The following PACS2 variants were observed in gnomAD, a reference collection of about 807,000 sequenced individuals.
PACS2 encodes PACS1-like protein.
A neutral mutation model predicts 113.0 loss-of-function variants in PACS2; 36 were observed. That is an observed-to-expected ratio of 0.32 (90% CI 0.24 to 0.42). The LOEUF is 0.42. Ranked by LOEUF, PACS2 falls within the 10% of genes least tolerant of loss-of-function variation. The probability of loss-of-function intolerance (pLI) is 1.00; values close to 1 mark genes in which losing one functional copy is unlikely to be tolerated. For missense variants in PACS2, 1,015 were observed against 1,239.5 expected (o/e 0.82, Z 2.72); for synonymous variants, 589 against 536.1 (o/e 1.10, Z -1.36).
intron 9 of PACS2, among the ~76,000 whole-genome samples, chr14:105,377,870 T>C (rs2080841513): frequency 6.6e-6 from 1 of 152,006 alleles, no homozygotes; most frequent in Non-Finnish European, 1.5e-5. Context: ...TGGGCTCGGG[T>C]GGAGGTATTG....
intron 3 of PACS2, among the ~76,000 whole-genome samples, chr14:105,353,792 C>G (rs587734880): frequency 5.3e-5 from 8 of 152,206 alleles, no homozygotes; most frequent in African/African-American, 1.9e-4. Context: ...CGGGGTTTCA[C>G]CATGTCGGCC....
chr14:105,316,345 C>T (rs1180526460), intron 1 of PACS2, among the ~76,000 whole-genome samples: 1 of 152,250 alleles, frequency 6.6e-6, no homozygotes, highest in Admixed American at 6.5e-5. Flanking sequence ...AAGCCAGGAG[C>T]ATCTCCCCAG....
intron 21 of PACS2, 49 bp from the exon 22 acceptor site, chr14:105,391,582 G>T (rs373599086): frequency 5.1e-5 from 67 of 1,321,590 alleles, no homozygotes; most frequent in Middle Eastern, 3.2e-4. Context: ...GGTGGCACCC[G>T]GGCAGAGCAG....
intron 1 of PACS2, among the ~76,000 whole-genome samples, chr14:105,303,396 A>C (rs587707762): frequency 6.6e-6 from 1 of 152,088 alleles, no homozygotes; most frequent in East Asian, 1.9e-4. Context: ...GGTGCCCACC[A>C]CCATGCCTGG....
chr14:105,381,096 C>T lies in PACS2; in HGVS notation c.1265C>T (p.Thr422Ile). The T allele has an allele frequency of 6.2e-7, 1 of 1,611,164 alleles. No homozygotes were observed. The highest frequency in any genetic ancestry group is 8.5e-7 in the Non-Finnish European group (1 of 1,178,962). The change falls in exon 12 of 25, where the codon ACC becomes ATC. Residue 422 changes from threonine (T) to isoleucine (I), a missense_variant. This residue lies in a region of PACS2 where 859 missense variants were observed against 1,056.8 expected (regional missense o/e 0.81). Coordinates refer to ENST00000447393, the MANE Select transcript of PACS2 (RefSeq NM_001100913.3). The part of the protein sequence containing the change: ...TKTESLVIPS[T>I]RSEGKQAGRR... ...ACAGAGTCCCTTGTCATCCCCTCCA[C>T]CAGGTGATGGGGGCTGCACGGCGGG...
intron 1 of PACS2, among the ~76,000 whole-genome samples, chr14:105,302,850 G>A (rs1033203109): frequency 6.6e-6 from 1 of 151,930 alleles, no homozygotes; most frequent in Admixed American, 6.6e-5. Context: ...CAAAGTGCTG[G>A]GATTACAGGC....
chr14:105,384,898 T>C lies in PACS2; in HGVS notation c.1911T>C (p.Ile637=), dbSNP rs782161467. The C allele has an allele frequency of 1.1e-5, 17 of 1,592,590 alleles. No individual in the cohort carries two copies. Among genetic ancestry groups the C allele is most frequent in the Admixed American group, 5.2e-5 (3 of 57,314 alleles). Residue 637 remains isoleucine (I), a synonymous_variant, in exon 18 of 25, where the codon ATT becomes ATC. Transcript: ENST00000447393. ...AQSAVQDTPD[I]VSRITQYIAG... The stretch of plus-strand genomic sequence containing the variant: ...CTGCAGTACAGGACACGCCAGACAT[T>C]GTGTCACGCATCACGCAGTACATCG...
intron 1 of PACS2, among the ~76,000 whole-genome samples, chr14:105,304,981 C>G (rs12100451): frequency 0.083 from 12,616 of 152,270 alleles, 892 homozygotes; most frequent in African/African-American, 0.19. Flanking sequence ...CAAATCATAT[C>G]ATGTGTGTTC....
At chr14:105,369,628 C>T (rs1555408846) in intron 7 of PACS2, among the ~76,000 whole-genome samples, 1 of 152,216 alleles carries the variant, frequency 6.6e-6, no homozygotes, top group Non-Finnish European at 1.5e-5. Flanking sequence ...ACACGCCTCC[C>T]CGGGTCCCCC....
chr14:105,313,291 A>G (rs1334433010), upstream of PACS2, among the ~76,000 whole-genome samples: 3 of 152,188 alleles, frequency 2.0e-5, no homozygotes, highest in Non-Finnish European at 4.4e-5. Flanking sequence ...CATCACAGAC[A>G]GCCTGTCCTC....
chr14:105,353,893 A>G (rs115356372), intron 3 of PACS2, among the ~76,000 whole-genome samples: 2,136 of 150,720 alleles, frequency 0.014, 55 homozygotes, highest in African/African-American at 0.049. Context: ...TGCCCAGCCT[A>G]GTTTTTCATT....
intron 9 of PACS2, among the ~76,000 whole-genome samples, chr14:105,378,796 C>T (rs1211447795): frequency 6.6e-6 from 1 of 152,234 alleles, no homozygotes; most frequent in African/African-American, 2.4e-5. Flanking sequence ...CATATTATAT[C>T]AACCAGGGAT....
chr14:105,341,899 G>A (rs1421038364), intron 1 of PACS2, among the ~76,000 whole-genome samples: 1 of 152,186 alleles, frequency 6.6e-6, no homozygotes, highest in Non-Finnish European at 1.5e-5. Context: ...TTCTAAGTGT[G>A]CGGAGAGGAG....
chr14:105,349,605 C>T (rs1434249229), intron 2 of PACS2, among the ~76,000 whole-genome samples: 3 of 152,264 alleles, frequency 2.0e-5, no homozygotes, highest in Non-Finnish European at 2.9e-5. Context: ...GTCTTGAGTG[C>T]GAGGAGGCCT....
rs2081512443 is a variant in PACS2 at position 105,395,780 on chromosome 14, G to C, written c.*1108G>C. 6.6e-6 allele frequency: 1 copy of C among 152,314 alleles called. No individual in the cohort carries two copies. The highest frequency in any genetic ancestry group is 1.5e-5 in the Non-Finnish European group (1 of 68,116). The allele number at this position is 152,314 out of a possible 1,614,324, so 9.4% of individuals were successfully genotyped here. Reference sequence around the variant, plus strand: ...GAGCGTGTTGGGTCCCATGTTGTGTGTGGGTTCCATGCCCTCCACACAGCA... The same window carrying C: ...GAGCGTGTTGGGTCCCATGTTGTGTCTGGGTTCCATGCCCTCCACACAGCA... On this transcript the variant is annotated 3_prime_UTR_variant, in exon 25 of 25. Coordinates refer to ENST00000447393, the MANE Select transcript of PACS2 (RefSeq NM_001100913.3).
At position 105,384,477 on chromosome 14, in the gene PACS2, G is replaced by A. The variant is rs372946160; in HGVS notation, c.1891+14G>A. 7.7e-5 allele frequency: 119 copies of A among 1,553,022 alleles called. No individual in the cohort carries two copies. The African/African-American group carries it at 1.2e-3, about 16-fold the overall frequency. On this transcript the variant is annotated intron_variant, in intron 17 of 24. Transcript: ENST00000447393. ...CCCAGAGTGCGGGTGAGGCCCGGGC[G>A]CGTCCACAGCCCACGCCACGGCGGG... is the stretch of plus-strand genomic sequence containing the variant.
rs767715777 is a variant in PACS2 at position 105,324,813 on chromosome 14, G to A, written c.119+9776G>A. ...TCTCAGGCCCGGGACATTCATGGCC[G>A]TAGCCCCAGGTCCTCTGCATGGTCA... is the stretch of plus-strand genomic sequence containing the variant. On this transcript the variant is annotated intron_variant, in intron 1 of 24. Transcript: ENST00000447393. The surrounding 1 kb of genome is among the most constrained non-coding windows in gnomAD (Gnocchi z 4.7). Among the ~76,000 whole-genome samples the A allele has an allele frequency of 7.9e-5, 12 of 152,166 alleles. No homozygotes were observed. Among genetic ancestry groups the A allele is most frequent in the Non-Finnish European group, 1.0e-4 (7 of 68,010 alleles).
At chr14:105,320,309 G>GA (rs1458913847) in intron 1 of PACS2, among the ~76,000 whole-genome samples, 1 of 152,014 alleles carries the variant, frequency 6.6e-6, no homozygotes, top group Non-Finnish European at 1.5e-5. Context: ...CCTATTCCTG[G>GA]AAAAATACTA....
chr14:105,380,896 G>A (rs587757823), intron 11 of PACS2, 61 bp from the exon 12 acceptor site: 4 of 1,529,640 alleles, frequency 2.6e-6, no homozygotes, highest in East Asian at 4.6e-5. Context: ...CACAGGGCTG[G>A]AGAGGCCGCA....
Sources: gnomAD v4.1 joint callset for allele counts (sites outside exome capture counted in the v4.1 genomes callset) on GRCh38, gnomAD v4.1.1 for gene constraint, gnomAD v4.1.1 regional missense constraint, Gnocchi (gnomAD v3.1) non-coding constraint, MANE v1.5 for transcripts, NCBI Gene and HGNC (gene_info 2026-07-23, HGNC 2026-07-21) for gene names.